The following GALNT17 variants were observed in gnomAD, a reference collection of about 807,000 sequenced individuals.
The protein encoded by GALNT17 is polypeptide N-acetylgalactosaminyltransferase 17, also known as UDP-GalNAc:polypeptide N-acetylgalactosaminyltransferase-like 3.
A neutral mutation model predicts 63.7 loss-of-function variants in GALNT17; 29 were observed. The observed-to-expected ratio is 0.46, with a 90% CI of 0.34 to 0.62. The LOEUF is 0.62. Ranked by LOEUF, GALNT17 falls within the 20% of genes least tolerant of loss-of-function variation. The probability of loss-of-function intolerance (pLI) is 0.01; values close to 1 mark genes in which losing one functional copy is unlikely to be tolerated. For synonymous variants in GALNT17, 305 were observed against 318.3 expected, an observed-to-expected ratio of 0.96 and a Z score of 0.45; for missense variants, 603 against 799.6, an observed-to-expected ratio of 0.75 and a Z score of 2.97.
chr7:71,555,098 C>T (rs1392733628), intron 5 of GALNT17, among the ~76,000 whole-genome samples: 1 of 152,002 alleles, frequency 6.6e-6, no homozygotes, highest in Admixed American at 6.6e-5. Flanking sequence ...CTAGAGTCTT[C>T]GTTAACAACC....
rs532520699 is a variant in GALNT17, at chr7:71,547,683, T to C, written c.963-23602T>C. ...GAGGAGAGACTGTCACTATTTTCAT[T>C]GATAATGAAAGCAGTTTTCTAATGA... is the stretch of plus-strand genomic sequence containing the variant. On this transcript the variant is annotated intron_variant, in intron 5 of 10. Transcript: ENST00000333538. Among the ~76,000 whole-genome samples, 42 of 152,226 alleles carry C rather than the reference T, an allele frequency of 2.8e-4. 1 individual carries two copies. In the South Asian group the frequency reaches 8.3e-3, roughly 30 times the overall value.
chr7:71,332,087 T>A (rs1376296957), intron 1 of GALNT17, among the ~76,000 whole-genome samples: 1 of 152,164 alleles, frequency 6.6e-6, no homozygotes, highest in Non-Finnish European at 1.5e-5. Context: ...ATACTAAAAA[T>A]TAGATTTTAT....
chr7:71,137,398 C>A (rs972372257), intron 1 of GALNT17, among the ~76,000 whole-genome samples: 2 of 152,142 alleles, frequency 1.3e-5, no homozygotes, highest in Non-Finnish European at 2.9e-5. Context: ...CTCGGCCTCC[C>A]AAGGTGCTGG....
At chr7:71,626,998 G>A (rs1256984226) in intron 6 of GALNT17, among the ~76,000 whole-genome samples, 2 of 152,202 alleles carry the variant, frequency 1.3e-5, no homozygotes, top group Non-Finnish European at 2.9e-5. Context: ...CCAGTCACTT[G>A]TGACCTCGGG....
chr7:71,301,880 C>G (rs1442201827), intron 1 of GALNT17, among the ~76,000 whole-genome samples: 3 of 152,084 alleles, frequency 2.0e-5, no homozygotes, highest in African/African-American at 7.2e-5. Context: ...GCTTTATATG[C>G]AGGGGTGGAA....
At chr7:71,328,889 C>T (rs550602786) in intron 1 of GALNT17, among the ~76,000 whole-genome samples, 2 of 152,062 alleles carry the variant, frequency 1.3e-5, no homozygotes, top group East Asian at 1.9e-4. Flanking sequence ...GATATGCATG[C>T]ATGCTTAGTC....
intron 1 of GALNT17, among the ~76,000 whole-genome samples, chr7:71,329,865 T>G (rs1235494349): frequency 1.3e-5 from 2 of 151,928 alleles, no homozygotes; most frequent in African/African-American, 4.8e-5. Context: ...GCCATATACC[T>G]TGGAGGTCCT....
chr7:71,531,578 C>T (rs1046087593), intron 5 of GALNT17, among the ~76,000 whole-genome samples: 1 of 152,100 alleles, frequency 6.6e-6, no homozygotes, highest in African/African-American at 2.4e-5. Context: ...TAGATATAAA[C>T]TCATTTAAAT....
intron 2 of GALNT17, among the ~76,000 whole-genome samples, chr7:71,338,348 A>AT (rs1791949248): frequency 1.5e-5 from 2 of 134,304 alleles, no homozygotes; most frequent in African/African-American, 2.6e-5. Context: ...AAATAAATAA[A>AT]AAATAAATAA....
intron 5 of GALNT17, among the ~76,000 whole-genome samples, chr7:71,558,892 C>T (rs7806531): frequency 0.44 from 66,657 of 152,000 alleles, 15,317 homozygotes; most frequent in African/African-American, 0.57. Context: ...CTGGCAACTT[C>T]AGTCACCACT....
At chr7:71,332,877 C>A (rs539725284) in intron 1 of GALNT17, among the ~76,000 whole-genome samples, 1 of 152,002 alleles carries the variant, frequency 6.6e-6, no homozygotes, top group East Asian at 1.9e-4. Context: ...TTAGTAGAGA[C>A]GGGATTCATC....
At chr7:71,503,465 G>C (rs1218173125) in intron 5 of GALNT17, among the ~76,000 whole-genome samples, 1 of 152,074 alleles carries the variant, frequency 6.6e-6, no homozygotes, top group East Asian at 1.9e-4. Context: ...TTGAACTACT[G>C]ACCTCAAGCG....
rs1375479092 is a variant in GALNT17 at position 71,693,305 on chromosome 7, C to CAT, written c.1500+16000_1500+16001insTA. Among the ~76,000 whole-genome samples, 413 of 126,040 alleles carry CAT rather than the reference C, an allele frequency of 3.3e-3. 42 individuals carry two copies. The East Asian group carries it at 0.063, about 19-fold the overall frequency. The allele number at this position is 126,040 out of a possible 152,430, so 82.7% of individuals were successfully genotyped here. The stretch of plus-strand genomic sequence containing the variant: ...ACACACACACACACACACACACACA[C>CAT]ACACATATATATATATGGAGACAAG... On this transcript the variant is annotated intron_variant, in intron 9 of 10. Coordinates refer to ENST00000333538, the MANE Select transcript of GALNT17 (RefSeq NM_022479.3).
intron 5 of GALNT17, among the ~76,000 whole-genome samples, chr7:71,437,302 C>G (rs1275781226): frequency 6.6e-6 from 1 of 152,208 alleles, no homozygotes; most frequent in Admixed American, 6.5e-5. Flanking sequence ...ACTCCCCAGC[C>G]TTCCAAGATT....
chr7:71,709,257 C>A (rs2115563746), intron 9 of GALNT17, among the ~76,000 whole-genome samples: 1 of 152,258 alleles, frequency 6.6e-6, no homozygotes, highest in South Asian at 2.1e-4. Context: ...GCCATTCTTG[C>A]TGGTGTGAGA....
At chr7:71,663,878 T>G (rs974854927) in intron 6 of GALNT17, among the ~76,000 whole-genome samples, 2 of 152,014 alleles carry the variant, frequency 1.3e-5, no homozygotes, top group African/African-American at 4.8e-5. Flanking sequence ...CCTACCTGAG[T>G]CAGCTCACCT....
chr7:71,573,791 A>G (rs1489774314), intron 6 of GALNT17, among the ~76,000 whole-genome samples: 5 of 152,182 alleles, frequency 3.3e-5, no homozygotes, highest in Non-Finnish European at 7.3e-5. Context: ...TAGTAAGCAT[A>G]GTACCTGATA....
chr7:71,631,881 T>G (rs1382361934), intron 6 of GALNT17, among the ~76,000 whole-genome samples: 1 of 152,046 alleles, frequency 6.6e-6, no homozygotes, highest in Non-Finnish European at 1.5e-5. Context: ...GAGATTAGCA[T>G]TTGAATGGGT....
intron 1 of GALNT17, among the ~76,000 whole-genome samples, chr7:71,169,223 C>G (rs1028580256): frequency 2.6e-5 from 4 of 152,128 alleles, no homozygotes; most frequent in Non-Finnish European, 4.4e-5. Flanking sequence ...TTGCACCCAC[C>G]TAATAGCTGC....
Sources: allele counts gnomAD v4.1 joint callset (sites outside exome capture counted in the v4.1 genomes callset), GRCh38; gene constraint gnomAD v4.1.1; transcripts MANE v1.5; gene names NCBI Gene and HGNC (gene_info 2026-07-23, HGNC 2026-07-21).